Variants in TENM4 observed in about 807,000 individuals in gnomAD.
TENM4 encodes the protein teneurin transmembrane protein 4.
Under a neutral mutation model 243.3 loss-of-function variants are expected in TENM4, and 82 were observed. The observed-to-expected ratio is 0.34, with a 90% confidence interval of 0.28 to 0.40. The LOEUF (loss-of-function observed/expected upper bound fraction) is 0.40. Among genes scored for constraint, TENM4 ranks in the 10% least tolerant of loss-of-function variants. The pLI is 1.00. For synonymous variants in TENM4, 1,412 were observed against 1,456.3 expected (o/e 0.97, Z 0.69); for missense variants, 3,138 against 3,673.3 (o/e 0.85, Z 3.77).
intron 9 of TENM4, among the ~76,000 whole-genome samples, chr11:78,870,711 T>C (rs181440153): frequency 2.4e-4 from 37 of 152,220 alleles, no homozygotes; most frequent in African/African-American, 8.4e-4. Flanking sequence ...TGCTGCTCAA[T>C]GTTTCTTTAA....
chr11:78,983,530 G>A (rs1476716885), intron 6 of TENM4, among the ~76,000 whole-genome samples: 2 of 152,242 alleles, frequency 1.3e-5, no homozygotes, highest in East Asian at 3.8e-4. Flanking sequence ...ACAGATGCAT[G>A]GGTCATGGCT....
At chr11:79,291,595 C>G (rs1457754457) in intron 2 of TENM4, among the ~76,000 whole-genome samples, 2 of 152,144 alleles carry the variant, frequency 1.3e-5, no homozygotes, top group Non-Finnish European at 2.9e-5. Context: ...TTTCATTAAC[C>G]TCTCAGGGCT....
chr11:79,037,027 A>T (rs5012228), intron 6 of TENM4, among the ~76,000 whole-genome samples: 1 of 91,882 alleles, frequency 1.1e-5, no homozygotes, highest in Non-Finnish European at 2.1e-5. Flanking sequence ...AAAAAAAAAA[A>T]AAAAAAAAAA....
chr11:79,141,386 CCTA>C (rs766819282), intron 4 of TENM4, among the ~76,000 whole-genome samples: 60 of 149,124 alleles, frequency 4.0e-4, no homozygotes, highest in Non-Finnish European at 7.6e-4. Flanking sequence ...AATTGGAAAA[CCTA>C]GAAGAAGTGG....
intron 1 of TENM4, among the ~76,000 whole-genome samples, chr11:79,352,647 G>A (rs1857433434): frequency 6.6e-6 from 1 of 152,212 alleles, no homozygotes; most frequent in African/African-American, 2.4e-5. Context: ...GAGAGGCAAG[G>A]GGAAAATTCT....
At chr11:79,429,191 T>A (rs1859116294) in intron 1 of TENM4, among the ~76,000 whole-genome samples, 1 of 152,202 alleles carries the variant, frequency 6.6e-6, no homozygotes, top group African/African-American at 2.4e-5. Context: ...TGTCTCAATC[T>A]AGAGCCCTTT....
At chr11:78,955,588 T>A (rs1232012343) in intron 6 of TENM4, among the ~76,000 whole-genome samples, 1 of 152,196 alleles carries the variant, frequency 6.6e-6, no homozygotes, top group Non-Finnish European at 1.5e-5. Flanking sequence ...GTTATTTTTG[T>A]ACCTTTTAAT....
chr11:79,273,140 G>A (rs1855997400), intron 2 of TENM4, among the ~76,000 whole-genome samples: 1 of 152,116 alleles, frequency 6.6e-6, no homozygotes, highest in South Asian at 2.1e-4. Context: ...ACCTCTCAGA[G>A]CCTTAGTTTC....
chr11:79,217,724 A>T (rs1864079893), intron 2 of TENM4, among the ~76,000 whole-genome samples: 1 of 145,736 alleles, frequency 6.9e-6, no homozygotes, highest in African/African-American at 2.5e-5. Flanking sequence ...TCAGGGTAGA[A>T]TTTTTTTTTT....
intron 7 of TENM4, 82 bp from the exon 8 acceptor site, chr11:78,891,418 G>C: frequency 7.8e-7 from 1 of 1,278,218 alleles, no homozygotes; most frequent in East Asian, 2.5e-5. Flanking sequence ...CAAAGTGGCT[G>C]TTTGGTGCAG....
intron 6 of TENM4, among the ~76,000 whole-genome samples, chr11:79,003,678 AC>A (rs1858395889): frequency 6.6e-6 from 1 of 152,190 alleles, no homozygotes; most frequent in South Asian, 2.1e-4. Flanking sequence ...CAAGATGGTT[AC>A]TGGTCTTCAG....
intron 26 of TENM4, 30 bp downstream of exon 26, chr11:78,712,452 A>G: frequency 6.3e-7 from 1 of 1,585,574 alleles, no homozygotes; most frequent in Non-Finnish European, 8.6e-7. Context: ...AATAAATGTT[A>G]TTGACAATGT....
At chr11:79,063,654 C>G (rs192768141) in intron 6 of TENM4, among the ~76,000 whole-genome samples, 82 of 152,330 alleles carry the variant, frequency 5.4e-4, no homozygotes, top group African/African-American at 1.9e-3. Context: ...AGATTCCCCC[C>G]AGGCAATAGT....
At chr11:79,194,209 A>G (rs1863575461) in intron 3 of TENM4, among the ~76,000 whole-genome samples, 1 of 151,862 alleles carries the variant, frequency 6.6e-6, no homozygotes, top group Non-Finnish European at 1.5e-5. Flanking sequence ...AGACATGTGG[A>G]ACTGTAAGTC....
At chr11:79,263,841 C>T (rs1357397349) in intron 2 of TENM4, among the ~76,000 whole-genome samples, 1 of 152,208 alleles carries the variant, frequency 6.6e-6, no homozygotes, top group Non-Finnish European at 1.5e-5. Flanking sequence ...AACACACCCT[C>T]CAGTTTATTG....
intron 9 of TENM4, among the ~76,000 whole-genome samples, chr11:78,878,987 G>GA (rs1859340437): frequency 6.6e-6 from 1 of 152,156 alleles, no homozygotes; most frequent in Admixed American, 6.5e-5. Context: ...ATGTTTGCAT[G>GA]AAAAAATGTC....
rs530062569 is a variant in TENM4, at chr11:78,934,997, C to CTTTTTTTTTT, written c.494-31484_494-31475dup. Among the ~76,000 whole-genome samples, 12 of 81,108 alleles carry CTTTTTTTTTT rather than the reference C, an allele frequency of 1.5e-4. 2 individuals are homozygous for CTTTTTTTTTT. Among genetic ancestry groups the CTTTTTTTTTT allele is most frequent in the African/African-American group, 3.2e-4 (6 of 19,028 alleles). 53.2% of individuals were successfully genotyped at this position (81,108 alleles called of 152,430 possible). On this transcript the variant is annotated intron_variant, in intron 6 of 33. Transcript: ENST00000278550. ...ATTTTGTGAGTGAGGAAGTATGCAA[C>CTTTTTTTTTT]TTTTTTTTTTTTTTTTTTTTTTTTT...
Position 78,903,439 on chromosome 11 carries a change from T to G in TENM4, c.578A>C (p.His193Pro). Residue 193 changes from histidine to proline, a missense_variant, in exon 7 of 34, where the codon CAC becomes CCC. Physicochemically the swap from His to Pro is moderately conservative, Grantham distance 77 (BLOSUM62 -2). Coordinates refer to ENST00000278550, the MANE Select transcript of TENM4 (RefSeq NM_001098816.3). ...LSHAHTPNQH[H>P]AASINSLNRG... ...GTTCAGGGAGTTAATGGAGGCCGCGTGGTGCTGGTTGGGGGTGTGGGCGTG... is the reference window on the plus strand; with the variant it reads ...GTTCAGGGAGTTAATGGAGGCCGCGGGGTGCTGGTTGGGGGTGTGGGCGTG... The G allele has an allele frequency of 6.5e-7, 1 of 1,547,936 alleles. No homozygotes were observed. The highest frequency in any genetic ancestry group is 8.7e-7 in the Non-Finnish European group (1 of 1,145,292).
chr11:78,976,414 T>TAA (rs566284517), intron 6 of TENM4, among the ~76,000 whole-genome samples: 5 of 149,860 alleles, frequency 3.3e-5, no homozygotes, highest in Non-Finnish European at 7.4e-5. Context: ...ATAAAAAGTT[T>TAA]AAAAAAAAAA....
Sources: gnomAD v4.1 joint callset for allele counts (sites outside exome capture counted in the v4.1 genomes callset) on GRCh38, gnomAD v4.1.1 for gene constraint, MANE v1.5 for transcripts, NCBI Gene and HGNC (gene_info 2026-07-23, HGNC 2026-07-21) for gene names.